The following PPAT variants were observed in gnomAD, a reference collection of about 807,000 sequenced individuals.
PPAT encodes phosphoribosyl pyrophosphate amidotransferase.
In PPAT, 20 loss-of-function variants were observed where a neutral mutation model predicts 60.2. The observed-to-expected ratio is 0.33, with a 90% CI of 0.23 to 0.48. PPAT has a LOEUF of 0.48. Ranked by LOEUF, PPAT falls within the 20% of genes least tolerant of loss-of-function variation. The probability of loss-of-function intolerance (pLI) is 0.99; values close to 1 mark genes in which losing one functional copy is unlikely to be tolerated. For missense variants in PPAT, 349 were observed against 629.6 expected (o/e 0.55, Z 4.77); for synonymous variants, 194 against 215.1 (o/e 0.90, Z 0.86).
rs1184707351 is a variant in PPAT at position 56,393,870 on chromosome 4, C to T, written c.*1482G>A. On this transcript the variant is annotated 3_prime_UTR_variant, in exon 11 of 11. Coordinates refer to ENST00000264220, the MANE Select transcript of PPAT (RefSeq NM_002703.5). ...TGGTCCCAGGGCTTTATTCAAATGC[C>T]AATTTGCCCGTGTCACTGCCACAGG... 6.6e-6 allele frequency: 1 copy of T among 152,278 alleles called. No homozygotes were observed. Among genetic ancestry groups the T allele is most frequent in the East Asian group, 1.9e-4 (1 of 5,192 alleles). 9.4% of individuals were successfully genotyped at this position (152,278 alleles called of 1,614,324 possible). A position where few individuals can be genotyped will look rare whatever the true frequency, so the allele number is the denominator to read the frequency against.
At chr4:56,412,781 C>T (rs1716526721) in intron 1 of PPAT, among the ~76,000 whole-genome samples, 2 of 152,176 alleles carry the variant, frequency 1.3e-5, no homozygotes. Flanking sequence ...CATCATGTCT[C>T]ATATGGAATA....
At chr4:56,402,027 C>G (rs1414808512) in intron 6 of PPAT, 82 bp downstream of exon 6, 4 of 1,119,684 alleles carry the variant, frequency 3.6e-6, no homozygotes, top group Non-Finnish European at 5.1e-6. Context: ...AACTTTCAAA[C>G]TTTCACATAA....
At chr4:56,424,012 C>T (rs1717171933) in intron 1 of PPAT, among the ~76,000 whole-genome samples, 1 of 152,096 alleles carries the variant, frequency 6.6e-6, no homozygotes. Flanking sequence ...TTCTTTAAAA[C>T]AACAACAAAG....
At position 56,435,421 on chromosome 4, in the gene PPAT, G is replaced by A. The variant is rs142572514; in HGVS notation, c.57C>T (p.Ala19=). ...CCAGCTGCGTGGGCCACTCTCCTGA[G>A]GCGATGCACCCGAACACGCCACATT... The part of the protein sequence containing the change: ...REECGVFGCI[A]SGEWPTQLDV... Residue 19 remains alanine, a synonymous_variant, in exon 1 of 11, where the codon GCC becomes GCT. Transcript: ENST00000264220. 1.2e-3 allele frequency: 1,904 copies of A among 1,613,906 alleles called. 23 individuals are homozygous for A. Among genetic ancestry groups the A allele is most frequent in the Non-Finnish European group, 1.4e-4 (161 of 1,179,858 alleles).
rs1560645697 is a variant in PPAT, at chr4:56,417,834, G to GTTT, written c.129-10119_129-10118insAAA. ...AATCTTCGGTATAATTTGAAGATTT[G>GTTT]GTTTTTTGTTTTTTTTTTTTTTTTT... On this transcript the variant is annotated intron_variant, in intron 1 of 10. Coordinates refer to ENST00000264220, the MANE Select transcript of PPAT (RefSeq NM_002703.5). 1.8e-3 allele frequency among the ~76,000 whole-genome samples: 204 copies of GTTT among 111,146 alleles called. 1 individual carries two copies. Among genetic ancestry groups the GTTT allele is most frequent in the African/African-American group, 6.8e-3 (192 of 28,324 alleles). 72.9% of individuals were successfully genotyped at this position (111,146 alleles called of 152,430 possible).
chr4:56,428,946 T>G, intron 1 of PPAT: 9 of 956,242 alleles, frequency 9.4e-6, no homozygotes, highest in Non-Finnish European at 1.1e-5. Context: ...TAAGAATTAT[T>G]TGAAGGTCAC....
chr4:56,411,148 G>C (rs1716444127), intron 1 of PPAT, among the ~76,000 whole-genome samples: 2 of 151,988 alleles, frequency 1.3e-5, no homozygotes, highest in South Asian at 4.1e-4. Context: ...ACATTACAAT[G>C]GCACTGACTG....
At chr4:56,415,490 A>T (rs1716681545) in intron 1 of PPAT, among the ~76,000 whole-genome samples, 1 of 152,244 alleles carries the variant, frequency 6.6e-6, no homozygotes, top group Non-Finnish European at 1.5e-5. Flanking sequence ...CCATAAAACA[A>T]GGAAATCAAA....
At position 56,394,976 on chromosome 4, in the gene PPAT, T is replaced by G. The variant is rs976300686; in HGVS notation, c.*376A>C. ...GGTATAATGTATTCTATTCAAACTT[T>G]GTGTGAAATGGTATATTTAACTCAC... is the stretch of plus-strand genomic sequence containing the variant. On this transcript the variant is annotated 3_prime_UTR_variant, in exon 11 of 11. Transcript: ENST00000264220. 5.4e-6 allele frequency: 1 copy of G among 185,368 alleles called. No individual in the cohort carries two copies. The highest frequency in any genetic ancestry group is 1.8e-4 in the East Asian group (1 of 5,516). 11.5% of individuals were successfully genotyped at this position (185,368 alleles called of 1,614,324 possible). A position where few individuals can be genotyped will look rare whatever the true frequency, so the allele number is the denominator to read the frequency against.
chr4:56,426,883 T>A (rs1244646486), intron 1 of PPAT, among the ~76,000 whole-genome samples: 1 of 152,208 alleles, frequency 6.6e-6, no homozygotes, highest in Non-Finnish European at 1.5e-5. Flanking sequence ...TCTGTAGCCA[T>A]TAAACAATAA....
At chr4:56,427,901 T>C (rs1032796118) in intron 1 of PPAT, among the ~76,000 whole-genome samples, 1 of 152,182 alleles carries the variant, frequency 6.6e-6, no homozygotes, top group Non-Finnish European at 1.5e-5. Context: ...TGCTTCCTTA[T>C]ACCTGAGTTG....
intron 1 of PPAT, chr4:56,419,835 A>G: frequency 1.0e-6 from 1 of 984,188 alleles, no homozygotes. Flanking sequence ...CAGAGACTGG[A>G]AACAGTGCAG....
At chr4:56,419,450 G>T (rs1316178183) in intron 1 of PPAT, among the ~76,000 whole-genome samples, 1 of 152,124 alleles carries the variant, frequency 6.6e-6, no homozygotes. Flanking sequence ...GACAGATTTA[G>T]GTTCTGTATT....
chr4:56,410,614 A>C, intron 1 of PPAT: 3 of 986,264 alleles, frequency 3.0e-6, no homozygotes, highest in Middle Eastern at 2.8e-4. Context: ...TTTATGGAAC[A>C]CTAAGAAATA....
At position 56,403,002 on chromosome 4, in the gene PPAT, A is replaced by G. The variant is rs774606651; in HGVS notation, c.661+38T>C. 5 of 1,538,080 alleles carry G rather than the reference A, an allele frequency of 3.3e-6. No homozygotes were observed. The Admixed American group carries it at 7.8e-5, about 24-fold the overall frequency. ...TGATAGCAGTAGGACAATAATGGAA[A>G]AACACTATGAAATGATATTCCTTCT... On this transcript the variant is annotated intron_variant, in intron 5 of 10. Transcript: ENST00000264220.
At chr4:56,410,032 A>C (rs1279318368) in intron 1 of PPAT, among the ~76,000 whole-genome samples, 5 of 152,208 alleles carry the variant, frequency 3.3e-5, no homozygotes, top group Non-Finnish European at 7.3e-5. Context: ...ATATGGGACT[A>C]AATAAATTGA....
intron 1 of PPAT, chr4:56,421,603 A>G (rs1215051724): frequency 2.6e-5 from 4 of 152,314 alleles, no homozygotes; most frequent in South Asian, 2.1e-4. Flanking sequence ...ATGAGTCCCA[A>G]TTGTAAGACA....
rs1716125237 is a variant in PPAT at position 56,402,030 on chromosome 4, TC to T, written c.734+78del. On this transcript the variant is annotated intron_variant, in intron 6 of 10. Coordinates refer to ENST00000264220, the MANE Select transcript of PPAT (RefSeq NM_002703.5). ...CATCAAAAAGAAAACTTTCAAACTT[TC>T]ACATAAATAAGAAACTGTCTAAAAA... 3.5e-6 allele frequency: 4 copies of T among 1,141,740 alleles called. No individual in the cohort carries two copies. The South Asian group carries it at 4.8e-5, about 14-fold the overall frequency. 70.7% of individuals were successfully genotyped at this position (1,141,740 alleles called of 1,614,324 possible). A position where few individuals can be genotyped will look rare whatever the true frequency, so the allele number is the denominator to read the frequency against.
chr4:56,401,252 T>C, intron 7 of PPAT, 78 bp downstream of exon 7: 4 of 1,359,330 alleles, frequency 2.9e-6, no homozygotes, highest in Non-Finnish European at 4.0e-6. Context: ...AGGTAAGCCT[T>C]TGAGGCAAGA....
Sources: allele counts gnomAD v4.1 joint callset (sites outside exome capture counted in the v4.1 genomes callset), GRCh38; gene constraint gnomAD v4.1.1; transcripts MANE v1.5; gene names NCBI Gene and HGNC (gene_info 2026-07-23, HGNC 2026-07-21).